Variants in PSMG2 observed in about 807,000 individuals in gnomAD.
The protein encoded by PSMG2 is CD40 ligand-activated specific transcript 3.
PSMG2 carries 21 observed loss-of-function variants against 31.5 expected under a neutral mutation model. The ratio of observed to expected loss-of-function variants is 0.67; its 90% CI spans 0.47 to 0.96. PSMG2 has a LOEUF of 0.96. PSMG2 is among the 40% of genes least tolerant of loss of function. The probability of loss-of-function intolerance (pLI) is 0.00; values close to 1 mark genes in which losing one functional copy is unlikely to be tolerated. For missense variants in PSMG2, 318 were observed against 321.2 expected (o/e 0.99, Z 0.08); for synonymous variants, 120 against 110.4 (o/e 1.09, Z -0.54).
intron 1 of PSMG2, among the ~76,000 whole-genome samples, chr18:12,665,705 A>G (rs931663089): frequency 6.6e-6 from 1 of 152,036 alleles, no homozygotes; most frequent in Non-Finnish European, 1.5e-5. Flanking sequence ...ATTTTTTTTT[A>G]ATTTTTTTTG....
At chr18:12,659,645 G>A (rs1055435365) in intron 1 of PSMG2, among the ~76,000 whole-genome samples, 1 of 152,098 alleles carries the variant, frequency 6.6e-6, no homozygotes, top group Admixed American at 6.6e-5. Flanking sequence ...ACTCCAGCCT[G>A]GGGGACAGAG....
intron 1 of PSMG2, among the ~76,000 whole-genome samples, chr18:12,676,792 C>T (rs1356786958): frequency 1.3e-5 from 2 of 152,084 alleles, no homozygotes; most frequent in Non-Finnish European, 2.9e-5. Context: ...GATAAGTTGA[C>T]AAGTGAATAA....
rs573604813 is a variant in PSMG2 at position 12,706,307 on chromosome 18, T to C, written c.58-243T>C. 4.6e-5 allele frequency among the ~76,000 whole-genome samples: 7 copies of C among 152,212 alleles called. No individual in the cohort carries two copies. The South Asian group carries it at 1.5e-3, about 32-fold the overall frequency. Reference sequence around the variant, plus strand: ...TTTGAGACCAGCCTGGCCAACATGGTGAAACTCCGTCTCTACTAAAAATAC... The same window carrying C: ...TTTGAGACCAGCCTGGCCAACATGGCGAAACTCCGTCTCTACTAAAAATAC... On this transcript the variant is annotated intron_variant, in intron 1 of 6. Transcript: ENST00000317615.
At chr18:12,680,990 G>A (rs1437825846) in intron 1 of PSMG2, among the ~76,000 whole-genome samples, 7 of 152,120 alleles carry the variant, frequency 4.6e-5, no homozygotes, top group Non-Finnish European at 4.4e-5. Context: ...CATGACGTCA[G>A]GAGTTCAAGA....
rs191315971 is a variant in PSMG2 at position 12,670,940 on chromosome 18, T to G, written c.-37+12167T>G. 19 of 152,206 alleles carry G rather than the reference T, an allele frequency of 1.2e-4. No individual in the cohort carries two copies. The East Asian group carries it at 3.7e-3, about 29-fold the overall frequency. The allele number at this position is 152,206 out of a possible 1,614,324, so 9.4% of individuals were successfully genotyped here. ...CTGGAATTATAGGTGTGAACCACTA[T>G]GCTTTAAAAAAAGCTTCAATTATTA... is the stretch of plus-strand genomic sequence containing the variant. On this transcript the variant is annotated intron_variant, in intron 1 of 6. Transcript: ENST00000585331.
chr18:12,698,866 AG>A, upstream of PSMG2: 1 of 733,884 alleles, frequency 1.4e-6, no homozygotes, highest in Non-Finnish European at 2.2e-6. Flanking sequence ...GAAACAAAAT[AG>A]AGATTCCTCC....
upstream of PSMG2, chr18:12,699,869 GT>G: frequency 1.3e-6 from 2 of 1,595,644 alleles, no homozygotes; most frequent in Admixed American, 1.7e-5. Flanking sequence ...CAAATAGGTT[GT>G]TTTGGAGAGG....
At chr18:12,676,722 A>G (rs2039148579) in intron 1 of PSMG2, among the ~76,000 whole-genome samples, 1 of 152,244 alleles carries the variant, frequency 6.6e-6, no homozygotes, top group Non-Finnish European at 1.5e-5. Flanking sequence ...CCCCTGACCA[A>G]CTTTTGCTGA....
intron 1 of PSMG2, among the ~76,000 whole-genome samples, chr18:12,687,539 C>T (rs756714740): frequency 1.3e-5 from 2 of 151,230 alleles, no homozygotes; most frequent in African/African-American, 4.9e-5. Flanking sequence ...CTGCAACCTC[C>T]GCCCATGGGT....
chr18:12,716,948 CTTTT>C (rs56726339), intron 3 of PSMG2, among the ~76,000 whole-genome samples: 27,101 of 116,260 alleles, frequency 0.23, 2,751 homozygotes, highest in Non-Finnish European at 0.3. Context: ...TTTTCTTTTA[CTTTT>C]TTTTTTTTTT....
chr18:12,674,023 C>G (rs988175419), intron 1 of PSMG2, among the ~76,000 whole-genome samples: 1 of 152,188 alleles, frequency 6.6e-6, no homozygotes, highest in African/African-American at 2.4e-5. Context: ...ACCAAAATCA[C>G]TGGGCAAATA....
intron 1 of PSMG2, among the ~76,000 whole-genome samples, chr18:12,671,646 T>C (rs868633391): frequency 9.8e-5 from 13 of 132,670 alleles, no homozygotes; most frequent in African/African-American, 3.7e-4. Flanking sequence ...CACTTTCTTT[T>C]TTTTTTTTTT....
chr18:12,680,810 C>T (rs968196006), intron 1 of PSMG2: 7 of 1,610,362 alleles, frequency 4.3e-6, no homozygotes, highest in Admixed American at 1.7e-5. Flanking sequence ...AGAAGGTTAG[C>T]GTGATCTTCA....
At chr18:12,718,370 G>A in intron 3 of PSMG2, 147 bp from the exon 4 acceptor site, 1 of 444,994 alleles carries the variant, frequency 2.2e-6, no homozygotes, top group Non-Finnish European at 3.9e-6. Flanking sequence ...TTCGGTTTAA[G>A]CACAGTAAGT....
chr18:12,659,937 A>T (rs1208492360), intron 1 of PSMG2, among the ~76,000 whole-genome samples: 1 of 152,208 alleles, frequency 6.6e-6, no homozygotes, highest in Non-Finnish European at 1.5e-5. Flanking sequence ...TTGCTATTTC[A>T]AAAGTTTATC....
At chr18:12,697,203 T>C in intron 1 of PSMG2, 1 of 1,527,484 alleles carries the variant, frequency 6.5e-7, no homozygotes, top group Non-Finnish European at 8.9e-7. Flanking sequence ...AGGTTAACAA[T>C]GATATATTAA....
chr18:12,721,607 GTC>G (rs917441190), intron 5 of PSMG2, among the ~76,000 whole-genome samples: 1 of 151,938 alleles, frequency 6.6e-6, no homozygotes, highest in African/African-American at 2.4e-5. Context: ...AATAATTTGA[GTC>G]TTTTCTTTTT....
chr18:12,668,693 T>C (rs1450310415), intron 1 of PSMG2, among the ~76,000 whole-genome samples: 1 of 147,486 alleles, frequency 6.8e-6, no homozygotes, highest in African/African-American at 2.5e-5. Flanking sequence ...AAAAAGAAGA[T>C]TCAACTATGT....
chr18:12,711,106 C>T (rs1282355444), intron 2 of PSMG2, among the ~76,000 whole-genome samples: 1 of 151,826 alleles, frequency 6.6e-6, no homozygotes, highest in Non-Finnish European at 1.5e-5. Flanking sequence ...TCTTAAAAAA[C>T]AAACAAAAAA....
Sources: allele counts gnomAD v4.1 joint callset (sites outside exome capture counted in the v4.1 genomes callset), GRCh38; gene constraint gnomAD v4.1.1; transcripts MANE v1.5; gene names NCBI Gene and HGNC (gene_info 2026-07-23, HGNC 2026-07-21).